HNRNPAB: variants seen among roughly 807,000 people sequenced by gnomAD.
The protein encoded by HNRNPAB is heterogeneous nuclear ribonucleoprotein A/B.
A neutral mutation model predicts 44.1 loss-of-function variants in HNRNPAB; 17 were observed. The observed-to-expected ratio is 0.39, with a 90% CI of 0.26 to 0.58. The LOEUF is 0.58. Among genes scored for constraint, HNRNPAB ranks in the 20% least tolerant of loss-of-function variants. The pLI, the probability that HNRNPAB is intolerant of heterozygous loss-of-function variation, is 0.63. For synonymous variants in HNRNPAB, 183 were observed against 167.6 expected, an observed-to-expected ratio of 1.09 and a Z score of -0.71; for missense variants, 393 against 432.7, an observed-to-expected ratio of 0.91 and a Z score of 0.81.
At position 178,204,923 on chromosome 5, in the gene HNRNPAB, C is replaced by T. The variant is rs1205777140; in HGVS notation, c.86C>T (p.Pro29Leu). 1.7e-6 allele frequency: 2 copies of T among 1,210,346 alleles called. No individual in the cohort carries two copies. The highest frequency in any genetic ancestry group is 2.1e-6 in the Non-Finnish European group (2 of 974,208). 75.0% of individuals were successfully genotyped at this position (1,210,346 alleles called of 1,614,324 possible). A position where few individuals can be genotyped will look rare whatever the true frequency, so the allele number is the denominator to read the frequency against. The change falls in exon 2 of 8, where the codon CCG becomes CTG. Residue 29 changes from proline to leucine, a missense_variant. Around this residue, in one of 3 missense-constraint regions of HNRNPAB, gnomAD observed 81 missense variants for 73.4 expected, o/e 1.10. Coordinates refer to ENST00000358344, the MANE Select transcript of HNRNPAB (RefSeq NM_031266.3). ...GHEAVPEGES[P>L]AGAGTGAAAG... Reference sequence around the variant, plus strand: ...GAGGCCGTCCCCGAAGGCGAGTCGCCGGCCGGGGCTGGCACGGGCGCCGCG... The same window carrying T: ...GAGGCCGTCCCCGAAGGCGAGTCGCTGGCCGGGGCTGGCACGGGCGCCGCG...
intron 4 of HNRNPAB, 59 bp from the exon 5 acceptor site, chr5:178,207,035 C>T (rs1757095006): frequency 3.8e-6 from 6 of 1,599,714 alleles, no homozygotes; most frequent in South Asian, 2.2e-5. Flanking sequence ...TCCTGTGAGT[C>T]CCCTATATGC....
chr5:178,206,610 G>C, intron 3 of HNRNPAB, 122 bp from the exon 4 acceptor site: 1 of 964,264 alleles, frequency 1.0e-6, no homozygotes, highest in South Asian at 1.6e-5. Context: ...GTTAAGCTGG[G>C]GTAGAATTTG....
chr5:178,207,520 A>G (rs1030671304), intron 5 of HNRNPAB, among the ~76,000 whole-genome samples: 1 of 152,126 alleles, frequency 6.6e-6, no homozygotes, highest in Non-Finnish European at 1.5e-5. Flanking sequence ...TAGAGGTGAC[A>G]GTTCTAGATT....
intron 5 of HNRNPAB, among the ~76,000 whole-genome samples, 172 bp downstream of exon 5, chr5:178,207,397 T>C (rs967681491): frequency 1.6e-4 from 24 of 152,176 alleles, no homozygotes; most frequent in Admixed American, 2.0e-4. Flanking sequence ...CTTGAAAGAC[T>C]TCTCAGGCTG....
chr5:178,207,689 C>G lies in HNRNPAB; in HGVS notation c.669+464C>G, dbSNP rs1757137691. Among the ~76,000 whole-genome samples, 3 of 111,688 alleles carry G rather than the reference C, an allele frequency of 2.7e-5. No individual in the cohort carries two copies. The Admixed American group carries it at 3.6e-4, about 14-fold the overall frequency. 73.3% of individuals were successfully genotyped at this position (111,688 alleles called of 152,430 possible). The stretch of plus-strand genomic sequence containing the variant: ...TTTGTCCACTTCCATCCACTTTGAG[C>G]ACTTTTTTTTTTTTTTTTTTTTTTT... On this transcript the variant is annotated intron_variant, in intron 5 of 7. Coordinates refer to ENST00000358344, the MANE Select transcript of HNRNPAB (RefSeq NM_031266.3).
chr5:178,209,795 T>C (rs1757626690), intron 6 of HNRNPAB, among the ~76,000 whole-genome samples: 1 of 152,146 alleles, frequency 6.6e-6, no homozygotes, highest in African/African-American at 2.4e-5. Flanking sequence ...CAGGCATTTA[T>C]CCCCTTCCAT....
In HNRNPAB at chr5:178,204,849, G is replaced by A. The variant is rs370637878; in HGVS notation, c.12G>A (p.Ala4=). 5.5e-4 allele frequency: 665 copies of A among 1,219,322 alleles called. 3 individuals carry two copies. The African/African-American group carries it at 9.8e-3, about 18-fold the overall frequency. 75.5% of individuals were successfully genotyped at this position (1,219,322 alleles called of 1,614,324 possible). The change falls in exon 2 of 8, where the codon GCG becomes GCA. Residue 4 remains alanine (A), a synonymous_variant. Transcript: ENST00000358344. The stretch of plus-strand genomic sequence containing the variant: ...CGCCTCGGCCTAGCATGTCGGAAGC[G>A]GGCGAGGAGCAGCCCATGGAGACGA... MSE[A]GEEQPMETTG...
intron 6 of HNRNPAB, 140 bp from the exon 7 acceptor site, chr5:178,209,992 A>C: frequency 8.5e-7 from 1 of 1,174,052 alleles, no homozygotes; most frequent in Non-Finnish European, 1.2e-6. Flanking sequence ...CAGGGCCCTT[A>C]TACACCAGAA....
At chr5:178,205,795 G>A in intron 2 of HNRNPAB, 47 bp from the exon 3 acceptor site, 6 of 1,584,618 alleles carry the variant, frequency 3.8e-6, no homozygotes, top group Non-Finnish European at 5.2e-6. Flanking sequence ...CAAAATCACA[G>A]CTTGCTTACA....
rs745690959 is a variant in HNRNPAB, at chr5:178,206,794, T to C, written c.441T>C (p.Ala147=). 6 of 1,614,150 alleles carry C rather than the reference T, an allele frequency of 3.7e-6. No homozygotes were observed. Among genetic ancestry groups the C allele is most frequent in the Non-Finnish European group, 3.4e-6 (4 of 1,180,026 alleles). The change falls in exon 4 of 8, where the codon GCT becomes GCC. Residue 147 remains alanine (A), a synonymous_variant. Transcript: ENST00000358344. ...GRVIDPKKAM[A]MKKDPVKKIF... ...TCATTGACCCTAAAAAGGCCATGGC[T>C]ATGAAGAAGGACCCGGTGAAGAAAA...
Position 178,209,641 on chromosome 5 carries a change from A to G in HNRNPAB, c.787+194A>G, listed in dbSNP as rs576179330. Among the ~76,000 whole-genome samples the G allele has an allele frequency of 3.6e-4, 55 of 152,172 alleles. 1 individual carries two copies. Among genetic ancestry groups the G allele is most frequent in the African/African-American group, 1.1e-3 (47 of 41,500 alleles). On this transcript the variant is annotated intron_variant, in intron 6 of 7. Coordinates refer to ENST00000358344, the MANE Select transcript of HNRNPAB (RefSeq NM_031266.3). ...CTGTTGCCTGCTGCTGCCCCTTGGAATGGCTTGGGTGCCCAGGGCAGAGAG... is the reference window on the plus strand; with the variant it reads ...CTGTTGCCTGCTGCTGCCCCTTGGAGTGGCTTGGGTGCCCAGGGCAGAGAG...
intron 2 of HNRNPAB, 155 bp from the exon 3 acceptor site, chr5:178,205,677 AGTTCAATTTG>A (rs1269920139): frequency 1.2e-5 from 8 of 643,622 alleles, no homozygotes; most frequent in Non-Finnish European, 2.2e-5. Flanking sequence ...GTCCTGGTTG[AGTTCAATTTG>A]GAGGGTAGTG....
intron 6 of HNRNPAB, among the ~76,000 whole-genome samples, chr5:178,209,902 G>C (rs560512300): frequency 2.0e-5 from 3 of 152,238 alleles, no homozygotes; most frequent in South Asian, 2.1e-4. Flanking sequence ...GAGTGAGTGA[G>C]CTGCCTTGTT....
intron 6 of HNRNPAB, 72 bp downstream of exon 6, chr5:178,209,519 C>T: frequency 3.8e-6 from 5 of 1,328,586 alleles, no homozygotes; most frequent in South Asian, 1.2e-5. Flanking sequence ...TGTCTTGGGG[C>T]TCCCTCTGGT....
rs201179798 is a variant in HNRNPAB, at chr5:178,206,845, A to G, written c.492A>G (p.Glu164=). 6.2e-7 allele frequency: 1 copy of G among 1,614,192 alleles called. No individual in the cohort carries two copies. Among genetic ancestry groups the G allele is most frequent in the Non-Finnish European group, 8.5e-7 (1 of 1,180,040 alleles). Residue 164 remains glutamate (E), a synonymous_variant, in exon 4 of 8, where the codon GAA becomes GAG. Transcript: ENST00000358344. The stretch of plus-strand genomic sequence containing the variant: ...TCTTCGTTGGGGGTCTGAATCCTGA[A>G]GCCACTGAGGAAAAGATCAGGGAGT... ...KKIFVGGLNP[E]ATEEKIREYF...
intron 5 of HNRNPAB, chr5:178,208,384 G>C (rs1354256449): frequency 6.6e-6 from 1 of 152,260 alleles, no homozygotes; most frequent in Non-Finnish European, 1.5e-5. Flanking sequence ...CCAGTGGACA[G>C]TGATAGAGGC....
At chr5:178,209,616 C>G (rs1182076931) in intron 6 of HNRNPAB, among the ~76,000 whole-genome samples, 169 bp downstream of exon 6, 1 of 152,166 alleles carries the variant, frequency 6.6e-6, no homozygotes, top group Non-Finnish European at 1.5e-5. Flanking sequence ...ATGCTTGAGG[C>G]TGTTGCCTGC....
At chr5:178,206,611 G>T (rs1757069939) in intron 3 of HNRNPAB, 121 bp from the exon 4 acceptor site, 1 of 982,704 alleles carries the variant, frequency 1.0e-6, no homozygotes, top group Non-Finnish European at 1.5e-6. Context: ...TTAAGCTGGG[G>T]TAGAATTTGG....
chr5:178,209,696 A>T (rs1330384178), intron 6 of HNRNPAB, among the ~76,000 whole-genome samples: 1 of 151,840 alleles, frequency 6.6e-6, no homozygotes, highest in African/African-American at 2.4e-5. Context: ...GGGGGAGGGG[A>T]TGTGATGGGT....
Sources: allele counts gnomAD v4.1 joint callset (sites outside exome capture counted in the v4.1 genomes callset), GRCh38; gene constraint gnomAD v4.1.1; regional missense constraint gnomAD v4.1.1; transcripts MANE v1.5; gene names NCBI Gene and HGNC (gene_info 2026-07-23, HGNC 2026-07-21).